Variants in SLC7A5 observed in about 807,000 individuals in gnomAD.
SLC7A5 encodes the protein solute carrier family 7 member 5.
SLC7A5 carries 23 observed loss-of-function variants against 50.2 expected under a neutral mutation model. The ratio of observed to expected loss-of-function variants is 0.46; its 90% CI spans 0.33 to 0.65. SLC7A5 has a LOEUF of 0.65. SLC7A5 is among the 30% of genes least tolerant of loss of function. The pLI is 0.02. For synonymous variants in SLC7A5, 393 were observed against 330.6 expected (o/e 1.19, Z -2.05); for missense variants, 578 against 684.4 (o/e 0.84, Z 1.73).
At chr16:87,838,897 C>G in intron 5 of SLC7A5, 80 bp from the exon 6 acceptor site, 2 of 1,023,780 alleles carry the variant, frequency 2.0e-6, no homozygotes, top group South Asian at 2.6e-5. Context: ...CCCTCTGCAC[C>G]GGGCCAGCCC....
rs1369263727 is a variant in SLC7A5 at position 87,832,924 on chromosome 16, A to T, written c.*46T>A. 6.6e-7 allele frequency: 1 copy of T among 1,526,576 alleles called. No individual in the cohort carries two copies. The highest frequency in any genetic ancestry group is 2.3e-5 in the East Asian group (1 of 44,394). The allele number at this position is 1,526,576 out of a possible 1,614,324, so 94.6% of individuals were successfully genotyped here. ...TGGGTTCGAGGAGGTGATCTACTTT[A>T]ACTGGCCTCTGCGCATGCTCCTCCG... On this transcript the variant is annotated 3_prime_UTR_variant, in exon 10 of 10. Transcript: ENST00000261622. The surrounding 1 kb of genome is among the most constrained non-coding windows in gnomAD (Gnocchi z 4.6).
At chr16:87,851,659 C>T in intron 2 of SLC7A5, 65 bp downstream of exon 2, 1 of 1,576,808 alleles carries the variant, frequency 6.3e-7, no homozygotes, top group African/African-American at 1.3e-5. Flanking sequence ...GGACCTCATG[C>T]CCTGTGAAGG....
Position 87,851,821 on chromosome 16 carries a change from G to A in SLC7A5, c.567C>T (p.Ser189=), listed in dbSNP as rs781179808. Residue 189 remains serine (S), a synonymous_variant, in exon 2 of 10, where the codon AGC becomes AGT. Transcript: ENST00000261622. ...CCTGGACCCGGGTGGCGGCCTTCAC[G>A]CTGTAGCAGTTCACGGCCGTGAGCA... ...VLLLTAVNCY[S]VKAATRVQDA... 13 of 1,613,004 alleles carry A rather than the reference G, an allele frequency of 8.1e-6. No individual in the cohort carries two copies. The highest frequency in any genetic ancestry group is 1.1e-5 in the South Asian group (1 of 91,086).
chr16:87,862,183 G>A lies in SLC7A5; in HGVS notation c.538+6702C>T, dbSNP rs1597517766. On this transcript the variant is annotated intron_variant, in intron 1 of 9. Transcript: ENST00000261622. The surrounding 1 kb of genome is among the most constrained non-coding windows in gnomAD (Gnocchi z 5.3). ...CTGGAACAGGCCTGGACTGAGAAGCGGGGCTACAGGTTACAGGTGCTGGAT... is the reference window on the plus strand; with the variant it reads ...CTGGAACAGGCCTGGACTGAGAAGCAGGGCTACAGGTTACAGGTGCTGGAT... Among the ~76,000 whole-genome samples the A allele has an allele frequency of 6.6e-6, 1 of 152,234 alleles. No individual in the cohort carries two copies. Among genetic ancestry groups the A allele is most frequent in the South Asian group, 2.1e-4 (1 of 4,826 alleles).
chr16:87,855,601 G>T (rs2055307191), intron 1 of SLC7A5, among the ~76,000 whole-genome samples: 1 of 152,150 alleles, frequency 6.6e-6, no homozygotes, highest in East Asian at 1.9e-4. Context: ...CTCTGCGGCA[G>T]CCGGCTCTGC....
At chr16:87,836,285 TG>T (rs2055002230) in intron 8 of SLC7A5, among the ~76,000 whole-genome samples, 1 of 152,266 alleles carries the variant, frequency 6.6e-6, no homozygotes, top group African/African-American at 2.4e-5. Flanking sequence ...TGCCATCTGC[TG>T]TCCTTTGAGG....
chr16:87,852,636 C>CTGTGTGTGTGTGTG lies in SLC7A5; in HGVS notation c.539-788_539-787insCACACACACACACA, dbSNP rs1491292186. Among the ~76,000 whole-genome samples the CTGTGTGTGTGTGTG allele has an allele frequency of 6.2e-5, 6 of 97,500 alleles. No individual in the cohort carries two copies. The highest frequency in any genetic ancestry group is 2.2e-4 in the African/African-American group (6 of 26,698). The allele number at this position is 97,500 out of a possible 152,430, so 64.0% of individuals were successfully genotyped here. A position where few individuals can be genotyped will look rare whatever the true frequency, so the allele number is the denominator to read the frequency against. On this transcript the variant is annotated intron_variant, in intron 1 of 9. Transcript: ENST00000261622. The surrounding 1 kb of genome is among the most constrained non-coding windows in gnomAD (Gnocchi z 4.5). ...CCCTGTAAGGCACCCAGCTCTGAGCCTCTGTGTGTGTGTGTGTGTGTGTGT... is the reference window on the plus strand; with the variant it reads ...CCCTGTAAGGCACCCAGCTCTGAGCCTGTGTGTGTGTGTGTCTGTGTGTGTGTGTGTGTGTGTGT...
intron 6 of SLC7A5, 114 bp downstream of exon 6, chr16:87,838,600 G>A: frequency 2.4e-6 from 2 of 845,878 alleles, no homozygotes; most frequent in Non-Finnish European, 4.1e-6. Context: ...GCCTATTTGA[G>A]CAATTATGCA....
chr16:87,836,390 A>C (rs1417507098), intron 8 of SLC7A5, 108 bp downstream of exon 8: 9 of 1,262,826 alleles, frequency 7.1e-6, no homozygotes, highest in Non-Finnish European at 1.0e-5. Flanking sequence ...AGGCAGGGGC[A>C]GGTCCAGAGG....
chr16:87,869,476 G>T lies in SLC7A5; in HGVS notation c.-54C>A. 1.6e-6 allele frequency: 2 copies of T among 1,215,618 alleles called. No homozygotes were observed. Among genetic ancestry groups the T allele is most frequent in the Non-Finnish European group, 1.0e-6 (1 of 977,116 alleles). 75.3% of individuals were successfully genotyped at this position (1,215,618 alleles called of 1,614,324 possible). A position where few individuals can be genotyped will look rare whatever the true frequency, so the allele number is the denominator to read the frequency against. On this transcript the variant is annotated 5_prime_UTR_variant, in exon 1 of 10. The change creates a new upstream start codon in the 5' untranslated region. Transcript: ENST00000261622. ...CCCGGGAGCCGCGGCCCAGCGAGCA[G>T]TGTGCGCGCCGCCCGCCGCCCGCAG... is the stretch of plus-strand genomic sequence containing the variant.
chr16:87,868,654 G>A (rs137858934), intron 1 of SLC7A5, among the ~76,000 whole-genome samples: 7,679 of 152,306 alleles, frequency 0.05, 258 homozygotes, highest in Middle Eastern at 0.14. Flanking sequence ...GCAGGGCAGG[G>A]ACCCTGCTGT....
chr16:87,832,886 C>CG lies in SLC7A5; in HGVS notation c.*83dup. The CG allele has an allele frequency of 3.6e-6, 4 of 1,122,744 alleles. No individual in the cohort carries two copies. The highest frequency in any genetic ancestry group is 1.5e-5 in the African/African-American group (1 of 65,654). 69.5% of individuals were successfully genotyped at this position (1,122,744 alleles called of 1,614,324 possible). ...GGATGGGCAGCTGAGCTGTGGGTTG[C>CG]GGGGAACCGGAGTGGGTTCGAGGAG... is the stretch of plus-strand genomic sequence containing the variant. On this transcript the variant is annotated 3_prime_UTR_variant, in exon 10 of 10. Coordinates refer to ENST00000261622, the MANE Select transcript of SLC7A5 (RefSeq NM_003486.7). The surrounding 1 kb of genome is among the most constrained non-coding windows in gnomAD (Gnocchi z 4.6).
chr16:87,839,883 T>G, intron 4 of SLC7A5, 58 bp from the exon 5 acceptor site: 1 of 1,609,740 alleles, frequency 6.2e-7, no homozygotes, highest in African/African-American at 1.3e-5. Context: ...GGCCAAACCC[T>G]GTGCCCAGGA....
chr16:87,841,108 GT>G lies in SLC7A5; in HGVS notation c.711del (p.Lys237AsnfsTer24). ...LDPNFSFEGT[K>X]LDVGNIVLAL... ...GCCAGCACAATGTTCCCCACATCCA[GT>G]TTGGTGCCTTCAAATGAGAAGTTGG... On this transcript the variant is annotated frameshift_variant, in exon 3 of 10. Transcript: ENST00000261622. LOFTEE classifies it high-confidence loss of function. This position sits in a 1 kb window ranked among gnomAD's most constrained non-coding sequence, Gnocchi z 4.8. The G allele has an allele frequency of 6.2e-7, 1 of 1,614,002 alleles. No individual in the cohort carries two copies.
chr16:87,866,958 G>A (rs1258176669), intron 1 of SLC7A5, among the ~76,000 whole-genome samples: 2 of 151,368 alleles, frequency 1.3e-5, no homozygotes, highest in Non-Finnish European at 2.9e-5. Context: ...TTTTGAGACA[G>A]GCTTGCTCTG....
intron 1 of SLC7A5, 33 bp downstream of exon 1, chr16:87,868,852 C>G: frequency 6.4e-7 from 1 of 1,570,682 alleles, no homozygotes. Flanking sequence ...GAGACTACGA[C>G]CTCCCAACCC....
Position 87,840,464 on chromosome 16 carries a change from C to T in SLC7A5, c.780G>A (p.Leu260=), listed in dbSNP as rs1035537779. 2.5e-6 allele frequency: 4 copies of T among 1,610,222 alleles called. No homozygotes were observed. The highest frequency in any genetic ancestry group is 1.3e-5 in the African/African-American group (1 of 74,840). The part of the protein sequence containing the change: ...GLFAYGGWNY[L]NFVTEEMINP... ...TGATCATTTCCTCTGTGACGAAATTCAAGTAATTCCTAAAATTTAGAGAAC... is the reference window on the plus strand; with the variant it reads ...TGATCATTTCCTCTGTGACGAAATTTAAGTAATTCCTAAAATTTAGAGAAC... The change falls in exon 4 of 10, where the codon TTG becomes TTA. Residue 260 remains leucine (L), a synonymous_variant. Transcript: ENST00000261622.
rs527383702 is a variant in SLC7A5, at chr16:87,862,168, C to T, written c.538+6717G>A. On this transcript the variant is annotated intron_variant, in intron 1 of 9. Coordinates refer to ENST00000261622, the MANE Select transcript of SLC7A5 (RefSeq NM_003486.7). The surrounding 1 kb of genome is among the most constrained non-coding windows in gnomAD (Gnocchi z 5.3). ...TACCCCAGGGGGGCCCTGGAACAGG[C>T]CTGGACTGAGAAGCGGGGCTACAGG... 2.0e-5 allele frequency among the ~76,000 whole-genome samples: 3 copies of T among 152,214 alleles called. No homozygotes were observed. Among genetic ancestry groups the T allele is most frequent in the Non-Finnish European group, 4.4e-5 (3 of 67,982 alleles).
At chr16:87,864,973 C>A (rs779917742) in intron 1 of SLC7A5, among the ~76,000 whole-genome samples, 12 of 152,136 alleles carry the variant, frequency 7.9e-5, no homozygotes, top group Non-Finnish European at 1.3e-4. Flanking sequence ...AGCTAATTAC[C>A]GAAGTTATGC....
Sources: allele counts gnomAD v4.1 joint callset (sites outside exome capture counted in the v4.1 genomes callset), GRCh38; gene constraint gnomAD v4.1.1; non-coding constraint Gnocchi (gnomAD v3.1); transcripts MANE v1.5; gene names NCBI Gene and HGNC (gene_info 2026-07-23, HGNC 2026-07-21).